CCDC85C: variants seen among roughly 807,000 people sequenced by gnomAD.
The protein encoded by CCDC85C is coiled-coil domain-containing protein 85C.
Under a neutral mutation model 38.3 loss-of-function variants are expected in CCDC85C, and 18 were observed. That is an observed-to-expected ratio of 0.47 (90% CI 0.33 to 0.70). CCDC85C has a LOEUF of 0.70. Among genes scored for constraint, CCDC85C ranks in the 30% least tolerant of loss-of-function variants. CCDC85C has a pLI of 0.03. For synonymous variants in CCDC85C, 264 were observed against 293.8 expected (o/e 0.90, Z 1.04); for missense variants, 566 against 621.2 (o/e 0.91, Z 0.94).
chr14:99,516,150 A>T lies in CCDC85C; in HGVS notation c.1170+38T>A. Reference sequence around the variant, plus strand: ...GCTGGGTGGCCCTGGTCGCACTCCCAGTGCCAAGCCTCTGCCCCCCACCCC... The same window carrying T: ...GCTGGGTGGCCCTGGTCGCACTCCCTGTGCCAAGCCTCTGCCCCCCACCCC... On this transcript the variant is annotated intron_variant, in intron 5 of 5. Coordinates refer to ENST00000380243, the MANE Select transcript of CCDC85C (RefSeq NM_001144995.2). The surrounding 1 kb of genome is among the most constrained non-coding windows in gnomAD (Gnocchi z 5.5). The T allele has an allele frequency of 6.7e-7, 1 of 1,498,094 alleles. No individual in the cohort carries two copies. Among genetic ancestry groups the T allele is most frequent in the Non-Finnish European group, 9.1e-7 (1 of 1,099,332 alleles). 92.8% of individuals were successfully genotyped at this position (1,498,094 alleles called of 1,614,324 possible).
At chr14:99,566,833 C>G (rs980906398) in intron 1 of CCDC85C, among the ~76,000 whole-genome samples, 1 of 152,208 alleles carries the variant, frequency 6.6e-6, no homozygotes, top group African/African-American at 2.4e-5. Flanking sequence ...TCAGGGTGAC[C>G]AGGGCCTTGG....
In CCDC85C at chr14:99,510,519, T is replaced by G; in HGVS notation, c.*4727A>C. ...ACCTGTGCCTCCTCCCCCAGCCTCCTTCCCCCCACCTGCCATCCCACCCCC... is the reference window on the plus strand; with the variant it reads ...ACCTGTGCCTCCTCCCCCAGCCTCCGTCCCCCCACCTGCCATCCCACCCCC... On this transcript the variant is annotated 3_prime_UTR_variant, in exon 6 of 6. Coordinates refer to ENST00000380243, the MANE Select transcript of CCDC85C (RefSeq NM_001144995.2). The G allele has an allele frequency of 1.2e-5, 5 of 426,478 alleles. No individual in the cohort carries two copies. Among genetic ancestry groups the G allele is most frequent in the African/African-American group, 5.3e-5 (1 of 18,756 alleles). 26.4% of individuals were successfully genotyped at this position (426,478 alleles called of 1,614,324 possible). A position where few individuals can be genotyped will look rare whatever the true frequency, so the allele number is the denominator to read the frequency against.
At position 99,506,823 on chromosome 14, in the gene CCDC85C, G is replaced by T. The variant is rs1896987460; in HGVS notation, c.*8423C>A. On this transcript the variant is annotated 3_prime_UTR_variant, in exon 6 of 6. Transcript: ENST00000380243. ...GGACTTGAGTGAAGTGGTCAGCAAG[G>T]AAACTTAGGTAGACATGGAAAATGG... 2.2e-6 allele frequency: 1 copy of T among 464,644 alleles called. No individual in the cohort carries two copies. The highest frequency in any genetic ancestry group is 4.0e-6 in the Non-Finnish European group (1 of 251,732). 28.8% of individuals were successfully genotyped at this position (464,644 alleles called of 1,614,324 possible).
At position 99,501,594 on chromosome 14, in the gene CCDC85C, C is replaced by T. The variant is rs1896826396; in HGVS notation, c.*13652G>A. 5 of 579,996 alleles carry T rather than the reference C, an allele frequency of 8.6e-6. No homozygotes were observed. The South Asian group carries it at 1.1e-4, about 13-fold the overall frequency. The allele number at this position is 579,996 out of a possible 1,614,324, so 35.9% of individuals were successfully genotyped here. Reference sequence around the variant, plus strand: ...TCATCTGCTTCCCGGCAGAGGGTTTCCTTCTGCCCTGCCGTGTCATGGTGT... The same window carrying T: ...TCATCTGCTTCCCGGCAGAGGGTTTTCTTCTGCCCTGCCGTGTCATGGTGT... On this transcript the variant is annotated 3_prime_UTR_variant, in exon 6 of 6. Transcript: ENST00000380243.
intron 1 of CCDC85C, among the ~76,000 whole-genome samples, chr14:99,543,708 G>A (rs1187260869): frequency 2.0e-5 from 3 of 152,150 alleles, no homozygotes; most frequent in African/African-American, 7.2e-5. Flanking sequence ...CCTGTGCTGT[G>A]CCCCTTAGCA....
intron 2 of CCDC85C, among the ~76,000 whole-genome samples, chr14:99,528,074 G>T (rs1897422306): frequency 6.6e-6 from 1 of 152,226 alleles, no homozygotes; most frequent in Non-Finnish European, 1.5e-5. Flanking sequence ...GGCCAGCGCA[G>T]CCTGGGAAGG....
chr14:99,526,678 T>C (rs1442924301), intron 2 of CCDC85C, among the ~76,000 whole-genome samples: 1 of 152,154 alleles, frequency 6.6e-6, no homozygotes, highest in Non-Finnish European at 1.5e-5. Flanking sequence ...GACGAAGCAC[T>C]GTGGGAGCTC....
At position 99,509,892 on chromosome 14, in the gene CCDC85C, C is replaced by T. The variant is rs1052183956; in HGVS notation, c.*5354G>A. ...GGCACAAGGGGGCTTCGGGTGCTGC[C>T]GAGACTGCCTGTAGGTGGTGTGGTC... On this transcript the variant is annotated 3_prime_UTR_variant, in exon 6 of 6. Transcript: ENST00000380243. 6 of 537,704 alleles carry T rather than the reference C, an allele frequency of 1.1e-5. No homozygotes were observed. Among genetic ancestry groups the T allele is most frequent in the South Asian group, 2.4e-5 (1 of 41,206 alleles). 33.3% of individuals were successfully genotyped at this position (537,704 alleles called of 1,614,324 possible).
chr14:99,584,481 C>T (rs575015372), intron 1 of CCDC85C, among the ~76,000 whole-genome samples: 19 of 152,252 alleles, frequency 1.2e-4, no homozygotes, highest in East Asian at 3.9e-4. Context: ...CATCACCACA[C>T]GCTCCCCCTT....
intron 2 of CCDC85C, among the ~76,000 whole-genome samples, chr14:99,531,583 T>TG (rs544106430): frequency 0.033 from 2,978 of 90,508 alleles, 58 homozygotes; most frequent in East Asian, 0.097. Flanking sequence ...AGGCCATGGG[T>TG]GGGGGGGGGG....
At position 99,516,063 on chromosome 14, in the gene CCDC85C, G is replaced by A. The variant is rs1897219792; in HGVS notation, c.1170+125C>T. ...TGAGGCCTCCCCCCAGCTATCCAAG[G>A]TCACCCAGCCTTCGCTGAGCATTCG... On this transcript the variant is annotated intron_variant, in intron 5 of 5. Transcript: ENST00000380243. The surrounding 1 kb of genome is among the most constrained non-coding windows in gnomAD (Gnocchi z 5.5). 3 of 773,894 alleles carry A rather than the reference G, an allele frequency of 3.9e-6. No homozygotes were observed. Among genetic ancestry groups the A allele is most frequent in the Non-Finnish European group, 6.5e-6 (3 of 463,888 alleles). The allele number at this position is 773,894 out of a possible 1,614,324, so 47.9% of individuals were successfully genotyped here. A position where few individuals can be genotyped will look rare whatever the true frequency, so the allele number is the denominator to read the frequency against.
In CCDC85C at chr14:99,502,479, G is replaced by A; in HGVS notation, c.*12767C>T. On this transcript the variant is annotated 3_prime_UTR_variant, in exon 6 of 6. Coordinates refer to ENST00000380243, the MANE Select transcript of CCDC85C (RefSeq NM_001144995.2). ...AATGGATTTTCCCAGATAGACATAT[G>A]TGAGCAATATTTCAGAAGCATCATT... The A allele has an allele frequency of 6.8e-7, 1 of 1,461,554 alleles. No individual in the cohort carries two copies. Among genetic ancestry groups the A allele is most frequent in the Middle Eastern group, 2.0e-4 (1 of 4,924 alleles). The allele number at this position is 1,461,554 out of a possible 1,614,324, so 90.5% of individuals were successfully genotyped here.
In CCDC85C at chr14:99,541,862, A is replaced by C. The variant is rs188697037; in HGVS notation, c.794-5774T>G. 3.9e-3 allele frequency among the ~76,000 whole-genome samples: 600 copies of C among 152,304 alleles called. 6 individuals carry two copies. The highest frequency in any genetic ancestry group is 0.014 in the Middle Eastern group (4 of 294). ...GGGCGAGGGAGCTGCAGTGACACAC[A>C]GGGACACATGGTGACACATGGTGAC... On this transcript the variant is annotated intron_variant, in intron 1 of 5. Transcript: ENST00000380243.
At chr14:99,582,480 G>T (rs2054983385) in intron 1 of CCDC85C, among the ~76,000 whole-genome samples, 1 of 152,084 alleles carries the variant, frequency 6.6e-6, no homozygotes, top group Non-Finnish European at 1.5e-5. Flanking sequence ...CCTGATCTCA[G>T]CCGAAAATGG....
At chr14:99,515,682 G>A (rs968161685) in intron 5 of CCDC85C, among the ~76,000 whole-genome samples, 4 of 152,098 alleles carry the variant, frequency 2.6e-5, no homozygotes, top group Non-Finnish European at 5.9e-5. Context: ...CTTCCCCGAT[G>A]GCTCCTGCAA....
In CCDC85C at chr14:99,569,967, A is replaced by G. The variant is rs140998237; in HGVS notation, c.793+33200T>C. Among the ~76,000 whole-genome samples the G allele has an allele frequency of 1.0e-3, 154 of 152,128 alleles. No individual in the cohort carries two copies. Among genetic ancestry groups the G allele is most frequent in the Admixed American group, 2.1e-3 (32 of 15,288 alleles). On this transcript the variant is annotated intron_variant, in intron 1 of 5. Coordinates refer to ENST00000380243, the MANE Select transcript of CCDC85C (RefSeq NM_001144995.2). The surrounding 1 kb of genome is among the most constrained non-coding windows in gnomAD (Gnocchi z 4.3). ...ACACAGCAACACACTGTCTCAAAAAAAAAAGAAAGAGCCTGAGCTCAGGCC... is the reference window on the plus strand; with the variant it reads ...ACACAGCAACACACTGTCTCAAAAAGAAAAGAAAGAGCCTGAGCTCAGGCC...
intron 2 of CCDC85C, among the ~76,000 whole-genome samples, chr14:99,529,797 A>G (rs1297088059): frequency 6.6e-6 from 1 of 152,192 alleles, no homozygotes; most frequent in Non-Finnish European, 1.5e-5. Flanking sequence ...TTGCACATAA[A>G]CTGGCATCAG....
chr14:99,598,090 C>T (rs2055161959), intron 1 of CCDC85C, among the ~76,000 whole-genome samples: 1 of 152,200 alleles, frequency 6.6e-6, no homozygotes, highest in African/African-American at 2.4e-5. Context: ...CCTCGGCATG[C>T]GGGGTGCCGA....
At chr14:99,574,738 C>A (rs1309890931) in intron 1 of CCDC85C, among the ~76,000 whole-genome samples, 1 of 152,230 alleles carries the variant, frequency 6.6e-6, no homozygotes, top group African/African-American at 2.4e-5. Context: ...CGAGGGGCAC[C>A]AGCCGGGTCA....
Sources: allele counts gnomAD v4.1 joint callset (sites outside exome capture counted in the v4.1 genomes callset), GRCh38; gene constraint gnomAD v4.1.1; non-coding constraint Gnocchi (gnomAD v3.1); transcripts MANE v1.5; gene names NCBI Gene and HGNC (gene_info 2026-07-23, HGNC 2026-07-21).